Variants in CPED1 observed in about 807,000 individuals in gnomAD.
CPED1 encodes the protein cadherin like and PC-esterase domain containing 1, also known as cadherin-like and PC-esterase domain-containing protein 1.
In CPED1, 114 loss-of-function variants were observed where a neutral mutation model predicts 128.2. The ratio of observed to expected loss-of-function variants is 0.89; its 90% CI spans 0.76 to 1.04. The LOEUF is 1.04. Ranked by LOEUF, CPED1 falls within the 50% of genes least tolerant of loss-of-function variation. The probability of loss-of-function intolerance (pLI) is 0.00; values close to 1 mark genes in which losing one functional copy is unlikely to be tolerated. For synonymous variants in CPED1, 462 were observed against 426.7 expected (o/e 1.08, Z -1.02); for missense variants, 1,211 against 1,207.1 (o/e 1.00, Z -0.05).
At position 121,027,090 on chromosome 7, in the gene CPED1, C is replaced by T. The variant is rs185088449; in HGVS notation, c.433+11242C>T. Among the ~76,000 whole-genome samples, 3 of 151,840 alleles carry T rather than the reference C, an allele frequency of 2.0e-5. No individual in the cohort carries two copies. In the East Asian group the frequency reaches 5.8e-4, roughly 29 times the overall value. ...TACTGGGCTCAAGCAATTGTCCCGC[C>T]TCAGCATCTCAAAGTGCTGGGATTA... On this transcript the variant is annotated intron_variant, in intron 3 of 22. Coordinates refer to ENST00000310396, the MANE Select transcript of CPED1 (RefSeq NM_024913.5).
At chr7:121,252,136 A>G (rs774544932) in intron 18 of CPED1, among the ~76,000 whole-genome samples, 8,363 of 149,754 alleles carry the variant, frequency 0.056, 302 homozygotes, top group Non-Finnish European at 0.069. Context: ...ATGGAACAGA[A>G]CAGAGCCCTC....
In CPED1 at chr7:121,140,953, T is replaced by C. The variant is rs768751397; in HGVS notation, c.1826T>C (p.Ile609Thr). 3 of 1,612,656 alleles carry C rather than the reference T, an allele frequency of 1.9e-6. No homozygotes were observed. The highest frequency in any genetic ancestry group is 8.5e-7 in the Non-Finnish European group (1 of 1,179,196). The change falls in exon 15 of 23, where the codon ATT becomes ACT. Residue 609 changes from isoleucine (I) to threonine (T), a missense_variant. Transcript: ENST00000310396. ...CCATTTGATGTGGTAACAGTGACAA[T>C]TGGAGTGGAAACTCCTAAGTGTCTG... ...EVPFDVVTVTIGVETPKCLCK... is the reference protein window; with the variant it reads ...EVPFDVVTVTTGVETPKCLCK...
chr7:121,137,959 CT>C (rs199500500), intron 14 of CPED1, among the ~76,000 whole-genome samples: 2 of 151,940 alleles, frequency 1.3e-5, no homozygotes, highest in South Asian at 2.1e-4. Context: ...GATGATCTTA[CT>C]TTTTTTTCCA....
chr7:121,153,051 C>G (rs1371087924), intron 16 of CPED1, among the ~76,000 whole-genome samples: 1 of 151,970 alleles, frequency 6.6e-6, no homozygotes, highest in Non-Finnish European at 1.5e-5. Flanking sequence ...TTACTAAAAC[C>G]GGAAACATCT....
At chr7:121,008,240 C>T (rs964859700) in intron 2 of CPED1, among the ~76,000 whole-genome samples, 4 of 152,128 alleles carry the variant, frequency 2.6e-5, no homozygotes, top group South Asian at 2.1e-4. Context: ...GTCGGACCTA[C>T]GTATAAAGAC....
In CPED1 at chr7:120,992,929, A is replaced by G. The variant is rs569391937; in HGVS notation, c.249+3059A>G. ...GGTTCAATGTGTAAAGCTGTTTTCA[A>G]TATGGATTGAAATCATGGTATAATA... is the stretch of plus-strand genomic sequence containing the variant. On this transcript the variant is annotated intron_variant, in intron 2 of 22. Coordinates refer to ENST00000310396, the MANE Select transcript of CPED1 (RefSeq NM_024913.5). Among the ~76,000 whole-genome samples, 9 of 152,286 alleles carry G rather than the reference A, an allele frequency of 5.9e-5. No homozygotes were observed. In the South Asian group the frequency reaches 6.2e-4, roughly 11 times the overall value.
chr7:121,154,380 A>G (rs867055289), intron 16 of CPED1, among the ~76,000 whole-genome samples: 3 of 152,198 alleles, frequency 2.0e-5, no homozygotes, highest in African/African-American at 4.8e-5. Flanking sequence ...TCTAGTCCTT[A>G]GAGAAAAGGC....
In CPED1 at chr7:121,272,853, T is replaced by TG. The variant is rs560121927; in HGVS notation, c.2868+1426dup. On this transcript the variant is annotated intron_variant, in intron 22 of 22. Coordinates refer to ENST00000310396, the MANE Select transcript of CPED1 (RefSeq NM_024913.5). ...AGGCAAAAATAAAACAACACCCCAA[T>TG]GGGAAGAGGGCCCCAAAACATTGGA... 9.7e-4 allele frequency among the ~76,000 whole-genome samples: 147 copies of TG among 152,074 alleles called. 1 individual carries two copies. The highest frequency in any genetic ancestry group is 3.4e-3 in the African/African-American group (141 of 41,524).
chr7:120,991,128 A>T (rs910081845), intron 2 of CPED1, among the ~76,000 whole-genome samples: 50 of 152,366 alleles, frequency 3.3e-4, no homozygotes, highest in African/African-American at 1.1e-3. Context: ...CACAACTACA[A>T]GAACTTACTG....
At position 121,238,676 on chromosome 7, in the gene CPED1, A is replaced by G. The variant is rs1584622088; in HGVS notation, c.2173+1845A>G. On this transcript the variant is annotated intron_variant, in intron 17 of 22. Coordinates refer to ENST00000310396, the MANE Select transcript of CPED1 (RefSeq NM_024913.5). ...GTGAAGCCAGTAAAGATTAAAATAT[A>G]TATGCATTTATATTTTACCTGATCA... 4.6e-5 allele frequency among the ~76,000 whole-genome samples: 7 copies of G among 151,744 alleles called. No individual in the cohort carries two copies. The South Asian group carries it at 1.5e-3, about 31-fold the overall frequency.
At chr7:121,095,847 T>C (rs981357303) in intron 5 of CPED1, among the ~76,000 whole-genome samples, 2 of 152,110 alleles carry the variant, frequency 1.3e-5, no homozygotes, top group African/African-American at 2.4e-5. Flanking sequence ...CAAGTGTGCT[T>C]GGGTTTGAAA....
chr7:121,187,200 A>G (rs1460340329), intron 16 of CPED1, among the ~76,000 whole-genome samples: 1 of 152,224 alleles, frequency 6.6e-6, no homozygotes, highest in East Asian at 1.9e-4. Context: ...TGTAAATGAA[A>G]AGAGCAGGCT....
At chr7:121,236,614 C>T (rs55979631) in intron 16 of CPED1, 100 bp from the exon 17 acceptor site, 1 of 600,526 alleles carries the variant, frequency 1.7e-6, no homozygotes, top group African/African-American at 1.9e-5. Context: ...TCCCTTTTAT[C>T]CATAAAGGTT....
At chr7:121,157,333 A>G (rs1796310569) in intron 16 of CPED1, among the ~76,000 whole-genome samples, 1 of 152,162 alleles carries the variant, frequency 6.6e-6, no homozygotes, top group Admixed American at 6.5e-5. Context: ...TAATATAGTG[A>G]CGGGGGCAGT....
At chr7:121,192,988 T>C (rs1401478714) in intron 16 of CPED1, among the ~76,000 whole-genome samples, 1 of 152,196 alleles carries the variant, frequency 6.6e-6, no homozygotes, top group Non-Finnish European at 1.5e-5. Context: ...CACAGTGCTT[T>C]CAAAACCTAG....
At chr7:121,248,519 A>G (rs1263350652) in intron 18 of CPED1, among the ~76,000 whole-genome samples, 3 of 150,810 alleles carry the variant, frequency 2.0e-5, no homozygotes, top group Admixed American at 6.6e-5. Context: ...TATTACTTTT[A>G]TATGCCATCT....
chr7:121,122,470 G>A (rs1455103429), intron 7 of CPED1, among the ~76,000 whole-genome samples: 1 of 152,016 alleles, frequency 6.6e-6, no homozygotes, highest in Non-Finnish European at 1.5e-5. Context: ...AAAATAAAAG[G>A]AGCTGACATG....
At chr7:121,173,898 T>G (rs1003164640) in intron 16 of CPED1, among the ~76,000 whole-genome samples, 2 of 152,160 alleles carry the variant, frequency 1.3e-5, no homozygotes, top group Non-Finnish European at 2.9e-5. Flanking sequence ...GCATGTGTTA[T>G]TCCTCAGCAT....
intron 8 of CPED1, 133 bp from the exon 9 acceptor site, chr7:121,125,687 A>G: frequency 1.5e-6 from 1 of 660,890 alleles, no homozygotes; most frequent in Admixed American, 2.2e-5. Flanking sequence ...TGTATGTGCC[A>G]CATTTTCTTT....
Sources: gnomAD v4.1 joint callset for allele counts (sites outside exome capture counted in the v4.1 genomes callset) on GRCh38, gnomAD v4.1.1 for gene constraint, MANE v1.5 for transcripts, NCBI Gene and HGNC (gene_info 2026-07-23, HGNC 2026-07-21) for gene names.